AZI2: variants seen among roughly 807,000 people sequenced by gnomAD.
AZI2 encodes 5-azacytidine-induced protein 2.
Under a neutral mutation model 45.8 loss-of-function variants are expected in AZI2, and 22 were observed. That is an observed-to-expected ratio of 0.48 (90% confidence interval 0.34 to 0.69). The LOEUF is 0.69. Among genes scored for constraint, AZI2 ranks in the 30% least tolerant of loss-of-function variants. The pLI is 0.01. For synonymous variants in AZI2, 137 were observed against 156.7 expected, an observed-to-expected ratio of 0.87 and a Z score of 0.94; for missense variants, 417 against 441.5, an observed-to-expected ratio of 0.94 and a Z score of 0.50.
At position 28,323,884 on chromosome 3, in the gene AZI2, T is replaced by G; in HGVS notation, c.*158A>C. 1.3e-6 allele frequency: 1 copy of G among 743,918 alleles called. No individual in the cohort carries two copies. The highest frequency in any genetic ancestry group is 2.1e-6 in the Non-Finnish European group (1 of 479,402). The allele number at this position is 743,918 out of a possible 1,614,324, so 46.1% of individuals were successfully genotyped here. A position where few individuals can be genotyped will look rare whatever the true frequency, so the allele number is the denominator to read the frequency against. On this transcript the variant is annotated 3_prime_UTR_variant, in exon 8 of 8. Transcript: ENST00000479665. ...CTTTCATACTAGAAAACCAACTATGTTGGTTTTTGTACTATTGTACAGTGT... is the reference window on the plus strand; with the variant it reads ...CTTTCATACTAGAAAACCAACTATGGTGGTTTTTGTACTATTGTACAGTGT...
chr3:28,340,675 A>G, intron 1 of AZI2, 53 bp from the exon 2 acceptor site: 1 of 1,356,866 alleles, frequency 7.4e-7, no homozygotes, highest in East Asian at 2.3e-5. Context: ...AATAAGTGAA[A>G]AGGAAAAAAA....
In AZI2 at chr3:28,336,806, T is replaced by C. The variant is rs1284639386; in HGVS notation, c.519A>G (p.Glu173=). The part of the protein sequence containing the change: ...LSCDLKIHGL[E]QELELMRKEC... ...CTTTCCTCATCAGTTCCAGCTCTTG[T>C]TCCAAACCATGGATCTTCAGGTCAC... The change falls in exon 5 of 8, where the codon GAA becomes GAG. Residue 173 remains glutamate, a synonymous_variant. Coordinates refer to ENST00000479665, the MANE Select transcript of AZI2 (RefSeq NM_022461.5). 5 of 1,613,348 alleles carry C rather than the reference T, an allele frequency of 3.1e-6. No homozygotes were observed. In the Admixed American group the frequency reaches 6.7e-5, roughly 22 times the overall value.
chr3:28,323,987 A>G lies in AZI2; in HGVS notation c.*55T>C. The G allele has an allele frequency of 6.7e-7, 1 of 1,501,648 alleles. No homozygotes were observed. Among genetic ancestry groups the G allele is most frequent in the Non-Finnish European group, 9.0e-7 (1 of 1,113,230 alleles). The allele number at this position is 1,501,648 out of a possible 1,614,324, so 93.0% of individuals were successfully genotyped here. A position where few individuals can be genotyped will look rare whatever the true frequency, so the allele number is the denominator to read the frequency against. On this transcript the variant is annotated 3_prime_UTR_variant, in exon 8 of 8. Coordinates refer to ENST00000479665, the MANE Select transcript of AZI2 (RefSeq NM_022461.5). ...TCAGTTTGTTAAATAATTTCTTGGG[A>G]GGACCACTGAAAGAGATAAGTGTCC... is the stretch of plus-strand genomic sequence containing the variant.
chr3:28,346,612 C>T (rs1158703941), intron 1 of AZI2, among the ~76,000 whole-genome samples: 1 of 152,010 alleles, frequency 6.6e-6, no homozygotes, highest in African/African-American at 2.4e-5. Context: ...CATATTGCCT[C>T]CTGAAGTAAA....
intron 7 of AZI2, chr3:28,325,266 A>G (rs1412342451): frequency 6.6e-6 from 1 of 151,014 alleles, no homozygotes; most frequent in Non-Finnish European, 1.5e-5. Context: ...AGCTCAGCCT[A>G]CCAGTGTGGA....
chr3:28,342,156 C>G (rs1413306574), intron 1 of AZI2, among the ~76,000 whole-genome samples: 2 of 151,994 alleles, frequency 1.3e-5, no homozygotes, highest in Admixed American at 1.3e-4. Context: ...TTTTGCTTTT[C>G]TAATTGTACA....
chr3:28,340,464 G>A lies in AZI2; in HGVS notation c.154C>T (p.Leu52Phe). Residue 52 changes from leucine to phenylalanine, a missense_variant, in exon 2 of 8, where the codon CTT (leucine) becomes TTT (phenylalanine). Coordinates refer to ENST00000479665, the MANE Select transcript of AZI2 (RefSeq NM_022461.5). ...VTAYEDIKKR[L>F]KDSEKENSLL... ...GAGTTCTCTTTCTCTGAATCCTTAA[G>A]TCGTTTTTTGATGTCTTCATATGCA... 1 of 1,612,418 alleles carries A rather than the reference G, an allele frequency of 6.2e-7. No individual in the cohort carries two copies. Among genetic ancestry groups the A allele is most frequent in the South Asian group, 1.1e-5 (1 of 90,982 alleles).
chr3:28,332,748 T>A (rs1019629398), intron 5 of AZI2, among the ~76,000 whole-genome samples: 6 of 151,900 alleles, frequency 3.9e-5, no homozygotes, highest in African/African-American at 1.4e-4. Context: ...TTCAAAAAAG[T>A]GTTACACATT....
Position 28,338,560 on chromosome 3 carries a change from T to C in AZI2, c.272A>G (p.Lys91Arg). ...TSSVGREQVN[K>R]AYHAYREVCI... The stretch of plus-strand genomic sequence containing the variant: ...AACCTCTCGATATGCATGATAGGCC[T>C]TATTTACTTGTTCTCGTCCCACGGA... The change falls in exon 3 of 8, where the codon AAG becomes AGG. Residue 91 changes from lysine (K) to arginine (R), a missense_variant. By Grantham distance (26) the Lys-to-Arg change is conservative (BLOSUM62 2). Coordinates refer to ENST00000479665, the MANE Select transcript of AZI2 (RefSeq NM_022461.5). 1 of 1,610,436 alleles carries C rather than the reference T, an allele frequency of 6.2e-7. No individual in the cohort carries two copies. Among genetic ancestry groups the C allele is most frequent in the Non-Finnish European group, 8.5e-7 (1 of 1,177,838 alleles).
rs3068913 is a variant in AZI2, at chr3:28,331,014, G to GAA, written c.647+1354_647+1355insTT. On this transcript the variant is annotated intron_variant, in intron 6 of 7. Coordinates refer to ENST00000479665, the MANE Select transcript of AZI2 (RefSeq NM_022461.5). ...TCAACTTTCCCCAAATCCTGGCACA[G>GAA]AGATTTTTTCAGTATTTTGTTAGTT... 2.6e-5 allele frequency among the ~76,000 whole-genome samples: 4 copies of GAA among 151,266 alleles called. No individual in the cohort carries two copies. The Admixed American group carries it at 2.6e-4, about 10-fold the overall frequency.
intron 6 of AZI2, 131 bp from the exon 7 acceptor site, chr3:28,327,081 A>G (rs528210781): frequency 6.7e-5 from 42 of 623,506 alleles, no homozygotes; most frequent in South Asian, 5.0e-4. Flanking sequence ...GAAAAAAACA[A>G]TTGAAAGATA....
At chr3:28,343,241 C>T (rs1022703347) in intron 1 of AZI2, among the ~76,000 whole-genome samples, 23 of 152,152 alleles carry the variant, frequency 1.5e-4, no homozygotes, top group African/African-American at 5.3e-4. Context: ...GAGCAAATGT[C>T]TCTTAAGACT....
Position 28,336,834 on chromosome 3 carries a change from C to G in AZI2, c.491G>C (p.Ser164Thr). 6.2e-7 allele frequency: 1 copy of G among 1,613,256 alleles called. No homozygotes were observed. Among genetic ancestry groups the G allele is most frequent in the Non-Finnish European group, 8.5e-7 (1 of 1,179,536 alleles). Residue 164 changes from serine (S) to threonine (T), a missense_variant, in exon 5 of 8, where the codon AGC becomes ACC. Physicochemically the swap from Ser to Thr is moderately conservative, Grantham distance 58. Coordinates refer to ENST00000479665, the MANE Select transcript of AZI2 (RefSeq NM_022461.5). ...CAAACCATGGATCTTCAGGTCACAG[C>G]TCAACTTTTCCACCTCCCAGTTTGA... ...PSSNWEVEKLSCDLKIHGLEQ... is the reference protein window; with the variant it reads ...PSSNWEVEKLTCDLKIHGLEQ...
chr3:28,326,728 G>T, intron 7 of AZI2, 104 bp downstream of exon 7: 1 of 906,684 alleles, frequency 1.1e-6, no homozygotes, highest in Non-Finnish European at 1.9e-6. Flanking sequence ...ATATACTTTG[G>T]CTTATCAATC....
intron 5 of AZI2, among the ~76,000 whole-genome samples, chr3:28,334,660 A>T (rs1386504361): frequency 6.6e-6 from 1 of 151,932 alleles, no homozygotes; most frequent in Non-Finnish European, 1.5e-5. Context: ...TTCTACCTCT[A>T]AAAGTCTGTT....
intron 6 of AZI2, among the ~76,000 whole-genome samples, chr3:28,327,377 CTG>C (rs1291721347): frequency 1.5e-4 from 22 of 150,974 alleles, no homozygotes; most frequent in African/African-American, 1.9e-4. Flanking sequence ...TGTTTTGACA[CTG>C]TGAATTGAAA....
chr3:28,324,534 A>C, intron 7 of AZI2, 80 bp from the exon 8 acceptor site: 4 of 1,236,152 alleles, frequency 3.2e-6, no homozygotes, highest in Non-Finnish European at 4.3e-6. Context: ...ACCAATTTGA[A>C]TTCTAGAACT....
At chr3:28,342,341 C>G (rs756416945) in intron 1 of AZI2, among the ~76,000 whole-genome samples, 2 of 151,988 alleles carry the variant, frequency 1.3e-5, no homozygotes, top group Non-Finnish European at 2.9e-5. Context: ...TCTAACCATA[C>G]AGGACAACTC....
intron 7 of AZI2, among the ~76,000 whole-genome samples, chr3:28,326,146 T>C (rs1703378381): frequency 6.6e-6 from 1 of 151,110 alleles, no homozygotes; most frequent in Admixed American, 6.6e-5. Context: ...AATATACCTG[T>C]TATGTAATAC....
Sources: gnomAD v4.1 joint callset for allele counts (sites outside exome capture counted in the v4.1 genomes callset) on GRCh38, gnomAD v4.1.1 for gene constraint, MANE v1.5 for transcripts, NCBI Gene and HGNC (gene_info 2026-07-23, HGNC 2026-07-21) for gene names.